The following CARD9 variants were observed in gnomAD, a reference collection of about 807,000 sequenced individuals.
CARD9 encodes caspase recruitment domain family member 9, also known as caspase recruitment domain-containing protein 9.
In CARD9, 53 loss-of-function variants were observed where a neutral mutation model predicts 66.0. The observed-to-expected ratio is 0.80, with a 90% CI of 0.64 to 1.01. CARD9 has a LOEUF of 1.01. Among genes scored for constraint, CARD9 ranks in the 50% least tolerant of loss-of-function variants. The pLI, the probability that CARD9 is intolerant of heterozygous loss-of-function variation, is 0.00. For synonymous variants in CARD9, 387 were observed against 313.8 expected, an observed-to-expected ratio of 1.23 and a Z score of -2.47; for missense variants, 769 against 743.2, an observed-to-expected ratio of 1.03 and a Z score of -0.40.
In CARD9 at chr9:136,364,523, C is replaced by T; in HGVS notation, c.1471G>A (p.Glu491Lys). Residue 491 changes from glutamate to lysine, a missense_variant, in exon 12 of 13, where the codon GAG becomes AAG. Physicochemically the swap from Glu to Lys is moderately conservative, Grantham distance 56. Transcript: ENST00000371732. ...AAACTCTCTTTGAGGCGCCGCCGCT[C>T]CTTCTCGGGCGGCTCCCCGCTGCTC... Reference protein sequence around the residue: ...GLSSGEPPEKERRRLKESFEN... With the variant: ...GLSSGEPPEKKRRRLKESFEN... 1.3e-6 allele frequency: 2 copies of T among 1,539,224 alleles called. No homozygotes were observed. The highest frequency in any genetic ancestry group is 1.7e-6 in the Non-Finnish European group (2 of 1,146,832).
chr9:136,371,984 G>A lies in CARD9; in HGVS notation c.95C>T (p.Pro32Leu), dbSNP rs1247747413. The A allele has an allele frequency of 6.2e-7, 1 of 1,612,768 alleles. No homozygotes were observed. Among genetic ancestry groups the A allele is most frequent in the Non-Finnish European group, 8.5e-7 (1 of 1,179,864 alleles). ...TSVIDPSRIT[P>L]YLRQCKVLNP... The stretch of plus-strand genomic sequence containing the variant: ...CAGGACCTTGCACTGCCGCAGGTAA[G>A]GTGTGATGCGTGAGGGGTCGATGAC... The change falls in exon 2 of 13, where the codon CCT becomes CTT. Residue 32 changes from proline (P) to leucine (L), a missense_variant. Pro to Leu is a moderately conservative substitution (Grantham distance 98, BLOSUM62 -3). Transcript: ENST00000371732.
chr9:136,372,442 C>T (rs1400697869), intron 1 of CARD9, among the ~76,000 whole-genome samples: 2 of 152,228 alleles, frequency 1.3e-5, no homozygotes, highest in Non-Finnish European at 2.9e-5. Flanking sequence ...AGCATGACCC[C>T]CTCTGGCCTC....
At chr9:136,371,278 C>A in intron 3 of CARD9, 46 bp downstream of exon 3, 1 of 1,581,932 alleles carries the variant, frequency 6.3e-7, no homozygotes, top group South Asian at 1.1e-5. Context: ...ACTGCCCGCT[C>A]CCCGCCAGCG....
chr9:136,367,321 G>T (rs547264907), intron 8 of CARD9, 64 bp from the exon 9 acceptor site: 7 of 1,562,966 alleles, frequency 4.5e-6, no homozygotes, highest in Non-Finnish European at 5.3e-6. Flanking sequence ...GCACAGGGTG[G>T]GCAGGGCACA....
chr9:136,366,624 T>G, intron 10 of CARD9, 176 bp downstream of exon 10: 1 of 702,030 alleles, frequency 1.4e-6, no homozygotes, highest in Non-Finnish European at 2.5e-6. Context: ...GGCTCTGTAG[T>G]TTGTTCTCTA....
chr9:136,365,304 T>A, intron 10 of CARD9, 87 bp from the exon 11 acceptor site: 2 of 1,289,736 alleles, frequency 1.6e-6, no homozygotes, highest in Non-Finnish European at 2.2e-6. Flanking sequence ...GGCATTGCAG[T>A]GGGGCTGTCT....
At position 136,370,461 on chromosome 9, in the gene CARD9, C is replaced by T. The variant is rs757105949; in HGVS notation, c.808-24G>A. ...TCCTGAAGGGGGCAAAAGGCAATGGCCTGGCTGGGAAGGCCCCCACTGCCC... is the reference window on the plus strand; with the variant it reads ...TCCTGAAGGGGGCAAAAGGCAATGGTCTGGCTGGGAAGGCCCCCACTGCCC... On this transcript the variant is annotated intron_variant, in intron 5 of 12. Transcript: ENST00000371732. 4.4e-6 allele frequency: 7 copies of T among 1,607,502 alleles called. No individual in the cohort carries two copies. In the Admixed American group the frequency reaches 1.0e-4, roughly 23 times the overall value.
intron 7 of CARD9, 144 bp downstream of exon 7, chr9:136,369,606 G>A: frequency 6.8e-7 from 1 of 1,476,792 alleles, no homozygotes; most frequent in Non-Finnish European, 9.0e-7. Flanking sequence ...GTAGTTTGAG[G>A]CCACCCTGGG....
chr9:136,367,167 AC>A, intron 9 of CARD9, 48 bp downstream of exon 9: 1 of 1,589,404 alleles, frequency 6.3e-7, no homozygotes, highest in African/African-American at 1.3e-5. Context: ...CTCAGCCAGG[AC>A]CCCAGGTGAA....
At position 136,364,734 on chromosome 9, in the gene CARD9, G is replaced by A. The variant is rs543433074; in HGVS notation, c.1435-175C>T. The A allele has an allele frequency of 1.4e-3, 918 of 658,216 alleles. 4 individuals carry two copies. The highest frequency in any genetic ancestry group is 1.3e-3 in the Non-Finnish European group (506 of 390,038). The allele number at this position is 658,216 out of a possible 1,614,324, so 40.8% of individuals were successfully genotyped here. A position where few individuals can be genotyped will look rare whatever the true frequency, so the allele number is the denominator to read the frequency against. On this transcript the variant is annotated intron_variant, in intron 11 of 12. Coordinates refer to ENST00000371732, the MANE Select transcript of CARD9 (RefSeq NM_052813.5). Reference sequence around the variant, plus strand: ...GACCTGCCTGTACCCCTGGAGGTGAGCCGGTGTGGGTAGCCTGCATTTCAG... The same window carrying A: ...GACCTGCCTGTACCCCTGGAGGTGAACCGGTGTGGGTAGCCTGCATTTCAG...
At position 136,370,304 on chromosome 9, in the gene CARD9, C is replaced by T. The variant is rs747970437; in HGVS notation, c.941G>A (p.Arg314Gln). 5.0e-6 allele frequency: 8 copies of T among 1,604,172 alleles called. No homozygotes were observed. Among genetic ancestry groups the T allele is most frequent in the East Asian group, 2.2e-5 (1 of 44,734 alleles). Residue 314 changes from arginine (R) to glutamine (Q), a missense_variant, in exon 6 of 13, where the codon CGA (arginine) becomes CAA (glutamine). Transcript: ENST00000371732. Reference sequence around the variant, plus strand: ...CGCCTGCCCTCCTACCCGGAGGCGTCGGGCCTCGCCCTGGCGGAGGTCCTT... The same window carrying T: ...CGCCTGCCCTCCTACCCGGAGGCGTTGGGCCTCGCCCTGGCGGAGGTCCTT... ...LRKDLRQGEA[R>Q]RLRCMEEKEM... is the part of the protein sequence containing the mutation.
At chr9:136,365,804 T>C (rs967624659) in intron 10 of CARD9, 1 of 153,496 alleles carries the variant, frequency 6.5e-6, no homozygotes, top group Non-Finnish European at 1.5e-5. Flanking sequence ...GTCCTGGCCA[T>C]TGGCAGCCCC....
chr9:136,372,486 C>G (rs1377900222), intron 1 of CARD9, among the ~76,000 whole-genome samples: 1 of 152,254 alleles, frequency 6.6e-6, no homozygotes, highest in African/African-American at 2.4e-5. Context: ...GCCCTGGAGC[C>G]TGCAAGGTTA....
In CARD9 at chr9:136,370,577, T is replaced by C; in HGVS notation, c.752A>G (p.Gln251Arg). ...GGCCTGGAGCAGGGCCTTCTCCTGC[T>C]GCAGCTCCCACAGCAGCTCCTGGCT... ...RPSQELLWELQQEKALLQARV... is the reference protein window; with the variant it reads ...RPSQELLWELRQEKALLQARV... Residue 251 changes from glutamine to arginine, a missense_variant, in exon 5 of 13, where the codon CAG becomes CGG. Coordinates refer to ENST00000371732, the MANE Select transcript of CARD9 (RefSeq NM_052813.5). The C allele has an allele frequency of 1.2e-6, 2 of 1,611,932 alleles. No homozygotes were observed. The highest frequency in any genetic ancestry group is 1.7e-6 in the Non-Finnish European group (2 of 1,179,678).
intron 9 of CARD9, 139 bp downstream of exon 9, chr9:136,367,077 C>T (rs1833141592): frequency 8.0e-6 from 9 of 1,123,620 alleles, no homozygotes; most frequent in Non-Finnish European, 1.2e-5. Flanking sequence ...TAGCATTTGG[C>T]CACCTGCTCT....
In CARD9 at chr9:136,369,817, T is replaced by G; in HGVS notation, c.1010A>C (p.Lys337Thr). The G allele has an allele frequency of 6.2e-7, 1 of 1,612,942 alleles. No homozygotes were observed. Among genetic ancestry groups the G allele is most frequent in the Non-Finnish European group, 8.5e-7 (1 of 1,179,992 alleles). The change falls in exon 7 of 13, where the codon AAG becomes ACG. Residue 337 changes from lysine to threonine, a missense_variant. Lys to Thr is a moderately conservative substitution (Grantham distance 78). Transcript: ENST00000371732. ...GGCCTCGATGCGGTCCTTGTACATC[T>G]TGGAGTCCTTACGTAGTGCCAGGCA... is the stretch of plus-strand genomic sequence containing the variant. ...LQCLALRKDS[K>T]MYKDRIEAIL...
At chr9:136,369,918 C>T in intron 6 of CARD9, 43 bp from the exon 7 acceptor site, 1 of 1,606,466 alleles carries the variant, frequency 6.2e-7, no homozygotes, top group Non-Finnish European at 8.5e-7. Flanking sequence ...CTGAGGCCCC[C>T]CATTCTGGCC....
intron 2 of CARD9, 151 bp from the exon 3 acceptor site, chr9:136,371,612 G>T (rs956024811): frequency 1.5e-6 from 2 of 1,331,886 alleles, no homozygotes; most frequent in Non-Finnish European, 2.0e-6. Context: ...GCGGGTCTTG[G>T]TACTAGGCTG....
chr9:136,367,592 A>G, intron 8 of CARD9, 45 bp downstream of exon 8: 1 of 1,525,498 alleles, frequency 6.6e-7, no homozygotes, highest in South Asian at 1.2e-5. Context: ...CTGGCCCTGC[A>G]TCCCACGCGC....
Sources: allele counts gnomAD v4.1 joint callset (sites outside exome capture counted in the v4.1 genomes callset), GRCh38; gene constraint gnomAD v4.1.1; transcripts MANE v1.5; gene names NCBI Gene and HGNC (gene_info 2026-07-23, HGNC 2026-07-21).